The following POU5F2 variants were observed in gnomAD, a reference collection of about 807,000 sequenced individuals.
POU5F2 encodes POU domain, class 5, transcription factor 2.
For synonymous variants in POU5F2, 191 were observed against 178.7 expected (o/e 1.07, Z -0.55); for missense variants, 401 against 426.6 (o/e 0.94, Z 0.53).
Position 93,738,834 on chromosome 5 carries a change from G to C in POU5F2, c.*1743C>G, listed in dbSNP as rs1747777251. The C allele has an allele frequency of 6.6e-6, 1 of 152,230 alleles. No individual in the cohort carries two copies. 9.4% of individuals were successfully genotyped at this position (152,230 alleles called of 1,614,324 possible). A position where few individuals can be genotyped will look rare whatever the true frequency, so the allele number is the denominator to read the frequency against. ...TTAATGAGAAGAGTTTATGTTTGGA[G>C]TGATGGAAAAATGTTGGAAATGGAT... On this transcript the variant is annotated 3_prime_UTR_variant, in exon 1 of 1. Coordinates refer to ENST00000606183, the MANE Select transcript of POU5F2 (RefSeq NM_153216.2).
chr5:93,734,667 T>G lies in POU5F2; in HGVS notation c.*5910A>C, dbSNP rs1285941321. 1 of 152,182 alleles carries G rather than the reference T, an allele frequency of 6.6e-6. No individual in the cohort carries two copies. The highest frequency in any genetic ancestry group is 2.4e-5 in the African/African-American group (1 of 41,438). The allele number at this position is 152,182 out of a possible 1,614,324, so 9.4% of individuals were successfully genotyped here. ...CGGGAGTTGAAATTTATTTTTAAAA[T>G]TAAGGCAGGGGAAAATCTGGGCAAA... On this transcript the variant is annotated 3_prime_UTR_variant, in exon 1 of 1. Transcript: ENST00000606183.
chr5:93,736,507 C>G lies in POU5F2; in HGVS notation c.*4070G>C, dbSNP rs930750882. On this transcript the variant is annotated 3_prime_UTR_variant, in exon 1 of 1. Coordinates refer to ENST00000606183, the MANE Select transcript of POU5F2 (RefSeq NM_153216.2). ...TGGTTTAAAACTTATTTTCATCACC[C>G]CGGGTGAGTCATTTACTCTTACACA... The G allele has an allele frequency of 6.6e-5, 10 of 152,122 alleles. No individual in the cohort carries two copies. The highest frequency in any genetic ancestry group is 2.2e-4 in the African/African-American group (9 of 41,420). The allele number at this position is 152,122 out of a possible 1,614,324, so 9.4% of individuals were successfully genotyped here.
rs1747327725 is a variant in POU5F2, at chr5:93,736,865, C to CT, written c.*3711dup. 1.3e-5 allele frequency: 2 copies of CT among 152,136 alleles called. No individual in the cohort carries two copies. 9.4% of individuals were successfully genotyped at this position (152,136 alleles called of 1,614,324 possible). On this transcript the variant is annotated 3_prime_UTR_variant, in exon 1 of 1. Transcript: ENST00000606183. Reference sequence around the variant, plus strand: ...AATGTCATACTCAATGGTGAAAAGACTAAAAGTTTTTCTCCTAAGAACAAA... The same window carrying CT: ...AATGTCATACTCAATGGTGAAAAGACTTAAAAGTTTTTCTCCTAAGAACAAA...
Position 93,734,072 on chromosome 5 carries a change from T to C in POU5F2, c.*6505A>G, listed in dbSNP as rs990664157. ...AACAGATGCTAATTCAAGAAAAAGA[T>C]CATGCTTTGAAATAAGGGCAGGTAT... On this transcript the variant is annotated 3_prime_UTR_variant, in exon 1 of 1. Coordinates refer to ENST00000606183, the MANE Select transcript of POU5F2 (RefSeq NM_153216.2). 2 of 152,142 alleles carry C rather than the reference T, an allele frequency of 1.3e-5. No homozygotes were observed. Among genetic ancestry groups the C allele is most frequent in the African/African-American group, 4.8e-5 (2 of 41,430 alleles). 9.4% of individuals were successfully genotyped at this position (152,142 alleles called of 1,614,324 possible). A position where few individuals can be genotyped will look rare whatever the true frequency, so the allele number is the denominator to read the frequency against.
In POU5F2 at chr5:93,740,417, A is replaced by G. The variant is rs912464026; in HGVS notation, c.*160T>C. 4.0e-6 allele frequency: 3 copies of G among 748,214 alleles called. No homozygotes were observed. The highest frequency in any genetic ancestry group is 6.3e-5 in the Admixed American group (2 of 31,664). 46.3% of individuals were successfully genotyped at this position (748,214 alleles called of 1,614,324 possible). On this transcript the variant is annotated 3_prime_UTR_variant, in exon 1 of 1. Coordinates refer to ENST00000606183, the MANE Select transcript of POU5F2 (RefSeq NM_153216.2). Reference sequence around the variant, plus strand: ...ATCTTCTCTCCCAGGTTTTTCTTGAACAATTCCCACCCCCATTCCCTACTA... The same window carrying G: ...ATCTTCTCTCCCAGGTTTTTCTTGAGCAATTCCCACCCCCATTCCCTACTA...
rs545719469 is a variant in POU5F2, at chr5:93,739,582, G to C, written c.*995C>G. The C allele has an allele frequency of 2.0e-5, 3 of 152,110 alleles. No homozygotes were observed. Among genetic ancestry groups the C allele is most frequent in the Admixed American group, 2.0e-4 (3 of 15,276 alleles). 9.4% of individuals were successfully genotyped at this position (152,110 alleles called of 1,614,324 possible). A position where few individuals can be genotyped will look rare whatever the true frequency, so the allele number is the denominator to read the frequency against. On this transcript the variant is annotated 3_prime_UTR_variant, in exon 1 of 1. Coordinates refer to ENST00000606183, the MANE Select transcript of POU5F2 (RefSeq NM_153216.2). ...GTGACAGCAGATTTGAAAACACAGA[G>C]GTACTAAATGGTTTCCATTTAGTAT...
chr5:93,733,345 C>T lies in POU5F2; in HGVS notation c.*7232G>A, dbSNP rs1284129037. ...CCTCCTGAGTAGCTGGGACTACAGGCATGCATCACCACACGCAGCTAACTT... is the reference window on the plus strand; with the variant it reads ...CCTCCTGAGTAGCTGGGACTACAGGTATGCATCACCACACGCAGCTAACTT... On this transcript the variant is annotated 3_prime_UTR_variant, in exon 1 of 1. Transcript: ENST00000606183. 6.6e-6 allele frequency: 1 copy of T among 151,940 alleles called. No individual in the cohort carries two copies. The highest frequency in any genetic ancestry group is 1.9e-4 in the East Asian group (1 of 5,168). The allele number at this position is 151,940 out of a possible 1,614,324, so 9.4% of individuals were successfully genotyped here. A position where few individuals can be genotyped will look rare whatever the true frequency, so the allele number is the denominator to read the frequency against.
chr5:93,740,787 A>G lies in POU5F2; in HGVS notation c.777T>C (p.Tyr259=), dbSNP rs1748250279. 1.2e-6 allele frequency: 2 copies of G among 1,612,578 alleles called. No individual in the cohort carries two copies. Among genetic ancestry groups the G allele is most frequent in the Non-Finnish European group, 1.7e-6 (2 of 1,179,222 alleles). ...LQKDVVRVWF[Y]NRSKMGSRPT... is the part of the protein sequence containing the mutation. Reference sequence around the variant, plus strand: ...GTCGACTGCCCATCTTGCTGCGGTTATAGAACCAAACTCGAACCACATCCT... The same window carrying G: ...GTCGACTGCCCATCTTGCTGCGGTTGTAGAACCAAACTCGAACCACATCCT... Residue 259 remains tyrosine (Y), a synonymous_variant, in exon 1 of 1, where the codon TAT becomes TAC. Coordinates refer to ENST00000606183, the MANE Select transcript of POU5F2 (RefSeq NM_153216.2).
chr5:93,735,993 G>A lies in POU5F2; in HGVS notation c.*4584C>T, dbSNP rs901157876. 5.3e-5 allele frequency: 8 copies of A among 152,116 alleles called. No homozygotes were observed. Among genetic ancestry groups the A allele is most frequent in the Non-Finnish European group, 8.8e-5 (6 of 68,018 alleles). 9.4% of individuals were successfully genotyped at this position (152,116 alleles called of 1,614,324 possible). ...ATTCTCTTAAATGGAAGCATTAAGA[G>A]CAGACATTAAGTTTTTCTTGAGCAC... On this transcript the variant is annotated 3_prime_UTR_variant, in exon 1 of 1. Transcript: ENST00000606183.
chr5:93,735,893 T>C lies in POU5F2; in HGVS notation c.*4684A>G, dbSNP rs902961791. On this transcript the variant is annotated 3_prime_UTR_variant, in exon 1 of 1. Coordinates refer to ENST00000606183, the MANE Select transcript of POU5F2 (RefSeq NM_153216.2). ...GAGACCCAGGCACTAATTCAGATTC[T>C]TCTGCTTGATGATGTTGTGGATTCA... 2 of 152,052 alleles carry C rather than the reference T, an allele frequency of 1.3e-5. No individual in the cohort carries two copies. Among genetic ancestry groups the C allele is most frequent in the Admixed American group, 1.3e-4 (2 of 15,272 alleles). 9.4% of individuals were successfully genotyped at this position (152,052 alleles called of 1,614,324 possible).
At position 93,734,061 on chromosome 5, in the gene POU5F2, C is replaced by T. The variant is rs1746691392; in HGVS notation, c.*6516G>A. The T allele has an allele frequency of 6.6e-6, 1 of 152,034 alleles. No individual in the cohort carries two copies. Among genetic ancestry groups the T allele is most frequent in the Admixed American group, 6.6e-5 (1 of 15,256 alleles). 9.4% of individuals were successfully genotyped at this position (152,034 alleles called of 1,614,324 possible). On this transcript the variant is annotated 3_prime_UTR_variant, in exon 1 of 1. Transcript: ENST00000606183. Reference sequence around the variant, plus strand: ...TAAATTATCGAAACAGATGCTAATTCAAGAAAAAGATCATGCTTTGAAATA... The same window carrying T: ...TAAATTATCGAAACAGATGCTAATTTAAGAAAAAGATCATGCTTTGAAATA...
Position 93,740,510 on chromosome 5 carries a change from G to A in POU5F2, c.*67C>T. ...TAAAAGCCCTCAAATGAACCCTAGG[G>A]ACATTTCCTGGGTTTTCCCTTCTTC... On this transcript the variant is annotated 3_prime_UTR_variant, in exon 1 of 1. Coordinates refer to ENST00000606183, the MANE Select transcript of POU5F2 (RefSeq NM_153216.2). The A allele has an allele frequency of 4.1e-6, 6 of 1,477,472 alleles. No individual in the cohort carries two copies. In the East Asian group the frequency reaches 9.2e-5, roughly 23 times the overall value. The allele number at this position is 1,477,472 out of a possible 1,614,324, so 91.5% of individuals were successfully genotyped here. A position where few individuals can be genotyped will look rare whatever the true frequency, so the allele number is the denominator to read the frequency against.
rs769448417 is a variant in POU5F2 at position 93,741,435 on chromosome 5, C to A, written c.129G>T (p.Arg43Ser). The change falls in exon 1 of 1, where the codon AGG (arginine) becomes AGT (serine). Residue 43 changes from arginine to serine, a missense_variant. By Grantham distance (110) the Arg-to-Ser change is moderately radical. Transcript: ENST00000606183. Reference sequence around the variant, plus strand: ...GCCTGACTGCCGGCCAGACCATCACCCTGCCAGGGGCCGCCTGGGTGCTCA... The same window carrying A: ...GCCTGACTGCCGGCCAGACCATCACACTGCCAGGGGCCGCCTGGGTGCTCA... ...TWLSTQAAPG[R>S]VMVWPAVRPG... The A allele has an allele frequency of 6.2e-7, 1 of 1,613,360 alleles. No individual in the cohort carries two copies. Among genetic ancestry groups the A allele is most frequent in the Non-Finnish European group, 8.5e-7 (1 of 1,179,788 alleles).
Position 93,741,323 on chromosome 5 carries a change from G to A in POU5F2, c.241C>T (p.Pro81Ser), listed in dbSNP as rs1367836105. ...EFRGWIAPCR[P>S]RLGASEAGDW... ...CCTGCCTCACTAGCTCCAAGACGGGGCCTGCAGGGTGCTATCCAGCCCCGG... is the reference window on the plus strand; with the variant it reads ...CCTGCCTCACTAGCTCCAAGACGGGACCTGCAGGGTGCTATCCAGCCCCGG... The change falls in exon 1 of 1, where the codon CCC (proline) becomes TCC (serine). Residue 81 changes from proline to serine, a missense_variant. Pro to Ser is a moderately conservative substitution (Grantham distance 74). Coordinates refer to ENST00000606183, the MANE Select transcript of POU5F2 (RefSeq NM_153216.2). 2 of 1,613,140 alleles carry A rather than the reference G, an allele frequency of 1.2e-6. No homozygotes were observed. Among genetic ancestry groups the A allele is most frequent in the East Asian group, 4.5e-5 (2 of 44,834 alleles).
Position 93,737,913 on chromosome 5 carries a change from T to C in POU5F2, c.*2664A>G. 1 of 448,792 alleles carries C rather than the reference T, an allele frequency of 2.2e-6. No individual in the cohort carries two copies. The highest frequency in any genetic ancestry group is 1.6e-5 in the South Asian group (1 of 62,186). 27.8% of individuals were successfully genotyped at this position (448,792 alleles called of 1,614,324 possible). Reference sequence around the variant, plus strand: ...AAGAAAACACAGGAGCAAATCTTCATGACTTTGCATTTGGCAACATGAAAA... The same window carrying C: ...AAGAAAACACAGGAGCAAATCTTCACGACTTTGCATTTGGCAACATGAAAA... On this transcript the variant is annotated 3_prime_UTR_variant, in exon 1 of 1. Transcript: ENST00000606183.
rs1374480384 is a variant in POU5F2, at chr5:93,738,882, T to G, written c.*1695A>C. On this transcript the variant is annotated 3_prime_UTR_variant, in exon 1 of 1. Coordinates refer to ENST00000606183, the MANE Select transcript of POU5F2 (RefSeq NM_153216.2). ...GATAGTGGTGATGGTTGCCTAACAT[T>G]GTGAATGTAATTAATGTCACTGAAT... 6.6e-6 allele frequency: 1 copy of G among 152,224 alleles called. No homozygotes were observed. The highest frequency in any genetic ancestry group is 1.5e-5 in the Non-Finnish European group (1 of 68,034). The allele number at this position is 152,224 out of a possible 1,614,324, so 9.4% of individuals were successfully genotyped here.
chr5:93,741,073 A>C lies in POU5F2; in HGVS notation c.491T>G (p.Ile164Ser). The change falls in exon 1 of 1, where the codon ATC becomes AGC. Residue 164 changes from isoleucine (I) to serine (S), a missense_variant. Ile to Ser is a moderately radical substitution (Grantham distance 142). Transcript: ENST00000606183. ...TAGCTGCTGGGCCTCGAAGCGGCAG[A>C]TGGTCGTCTGGCTAAGCACCTTCCC... is the stretch of plus-strand genomic sequence containing the variant. Reference protein sequence around the residue: ...LFGKVLSQTTICRFEAQQLSV... With the variant: ...LFGKVLSQTTSCRFEAQQLSV... 6.2e-7 allele frequency: 1 copy of C among 1,613,914 alleles called. No individual in the cohort carries two copies. The highest frequency in any genetic ancestry group is 8.5e-7 in the Non-Finnish European group (1 of 1,179,950).
In POU5F2 at chr5:93,740,142, C is replaced by T. The variant is rs1748082974; in HGVS notation, c.*435G>A. 6.5e-6 allele frequency: 1 copy of T among 154,848 alleles called. No homozygotes were observed. The highest frequency in any genetic ancestry group is 1.4e-5 in the Non-Finnish European group (1 of 70,014). 9.6% of individuals were successfully genotyped at this position (154,848 alleles called of 1,614,324 possible). ...ATCCTGGATTTTGTGTTTGTGTTTA[C>T]ACAGAGTTCTGCTTGATTTTAAGTA... is the stretch of plus-strand genomic sequence containing the variant. On this transcript the variant is annotated 3_prime_UTR_variant, in exon 1 of 1. Coordinates refer to ENST00000606183, the MANE Select transcript of POU5F2 (RefSeq NM_153216.2).
At position 93,738,937 on chromosome 5, in the gene POU5F2, T is replaced by A. The variant is rs1747798091; in HGVS notation, c.*1640A>T. Reference sequence around the variant, plus strand: ...ACTTAAAATCATTACAATGGCAAATTTTATATTTTATCACACACACAAAAA... The same window carrying A: ...ACTTAAAATCATTACAATGGCAAATATTATATTTTATCACACACACAAAAA... On this transcript the variant is annotated 3_prime_UTR_variant, in exon 1 of 1. Transcript: ENST00000606183. 6.6e-6 allele frequency: 1 copy of A among 152,160 alleles called. No individual in the cohort carries two copies. The highest frequency in any genetic ancestry group is 2.4e-5 in the African/African-American group (1 of 41,428). The allele number at this position is 152,160 out of a possible 1,614,324, so 9.4% of individuals were successfully genotyped here. A position where few individuals can be genotyped will look rare whatever the true frequency, so the allele number is the denominator to read the frequency against.
Sources: allele counts gnomAD v4.1 joint callset, GRCh38; gene constraint gnomAD v4.1.1; transcripts MANE v1.5; gene names NCBI Gene and HGNC (gene_info 2026-07-23, HGNC 2026-07-21).